Variants in SGCD observed in about 807,000 individuals in gnomAD.
The protein encoded by SGCD is delta-sarcoglycan.
In SGCD, 18 loss-of-function variants were observed where a neutral mutation model predicts 36.6. The ratio of observed to expected loss-of-function variants is 0.49; its 90% confidence interval spans 0.34 to 0.73. The LOEUF (loss-of-function observed/expected upper bound fraction) is 0.73, where lower values mean the gene tolerates loss of function less well. Among genes scored for constraint, SGCD ranks in the 30% least tolerant of loss-of-function variants. The probability of loss-of-function intolerance (pLI) is 0.01; values close to 1 mark genes in which losing one functional copy is unlikely to be tolerated. For synonymous variants in SGCD, 133 were observed against 130.6 expected (o/e 1.02, Z -0.12); for missense variants, 387 against 346.7 (o/e 1.12, Z -0.92).
At chr5:155,967,565 C>T (rs1757925724) in intron 1 of SGCD, among the ~76,000 whole-genome samples, 1 of 152,044 alleles carries the variant, frequency 6.6e-6, no homozygotes, top group Admixed American at 6.6e-5. Flanking sequence ...GTTTCTCCCC[C>T]AAGCCACCAC....
intron 6 of SGCD, among the ~76,000 whole-genome samples, chr5:156,615,361 GC>G (rs1230779720): frequency 2.0e-5 from 3 of 152,200 alleles, no homozygotes; most frequent in African/African-American, 7.2e-5. Context: ...TCCTCTAGAT[GC>G]CACTTGATGC....
intron 3 of SGCD, among the ~76,000 whole-genome samples, chr5:156,500,901 G>A (rs965656102): frequency 3.9e-5 from 6 of 152,222 alleles, no homozygotes; most frequent in East Asian, 1.9e-4. Context: ...GGAAGTCCAC[G>A]TCACTCAGAA....
At chr5:155,976,781 C>A (rs1023147206) in intron 1 of SGCD, among the ~76,000 whole-genome samples, 2 of 152,056 alleles carry the variant, frequency 1.3e-5, no homozygotes, top group Non-Finnish European at 2.9e-5. Flanking sequence ...TGGACACCGC[C>A]TTTTACCTGA....
chr5:156,657,300 G>T (rs1361774753), intron 7 of SGCD, among the ~76,000 whole-genome samples: 1 of 151,236 alleles, frequency 6.6e-6, no homozygotes, highest in East Asian at 1.9e-4. Context: ...CAATGTGCAG[G>T]TTTGTTACAT....
At chr5:156,281,656 C>CA (rs11370605) in intron 3 of SGCD, among the ~76,000 whole-genome samples, 8,252 of 151,664 alleles carry the variant, frequency 0.054, 673 homozygotes, top group African/African-American at 0.17. Context: ...AAAGGTTTGA[C>CA]AAAAAAATAG....
intron 3 of SGCD, among the ~76,000 whole-genome samples, chr5:156,229,265 T>TAC (rs1398211635): frequency 2.0e-5 from 2 of 98,354 alleles, no homozygotes; most frequent in Non-Finnish European, 3.8e-5. Flanking sequence ...TACATACATA[T>TAC]ATATATACAT....
At chr5:155,903,172 C>T (rs904674993) in intron 1 of SGCD, among the ~76,000 whole-genome samples, 1 of 152,180 alleles carries the variant, frequency 6.6e-6, no homozygotes, top group Non-Finnish European at 1.5e-5. Context: ...AACTATTAAG[C>T]TGCTGTGTTT....
intron 1 of SGCD, among the ~76,000 whole-genome samples, chr5:156,012,272 G>A (rs532281437): frequency 5.4e-4 from 82 of 152,160 alleles, no homozygotes; most frequent in South Asian, 1.0e-3. Context: ...CCACTTAAAT[G>A]TTTTCATATT....
At chr5:155,962,716 T>C (rs1052035803) in intron 1 of SGCD, among the ~76,000 whole-genome samples, 5 of 152,212 alleles carry the variant, frequency 3.3e-5, no homozygotes, top group South Asian at 2.1e-4. Flanking sequence ...AGGTGCCTGA[T>C]TGAGCTTGCA....
intron 3 of SGCD, among the ~76,000 whole-genome samples, chr5:156,304,519 C>T (rs1428486579): frequency 1.3e-5 from 2 of 152,142 alleles, no homozygotes; most frequent in Admixed American, 1.3e-4. Flanking sequence ...ACTGTAAGTC[C>T]ATTAAACCTT....
chr5:156,216,952 G>A (rs1300636297), intron 3 of SGCD, among the ~76,000 whole-genome samples: 1 of 152,094 alleles, frequency 6.6e-6, no homozygotes, highest in East Asian at 1.9e-4. Flanking sequence ...GGTGGCTGGA[G>A]CCTGTAATCC....
At chr5:156,422,866 T>C (rs1381682483) in intron 3 of SGCD, among the ~76,000 whole-genome samples, 3 of 151,870 alleles carry the variant, frequency 2.0e-5, no homozygotes, top group Admixed American at 6.6e-5. Flanking sequence ...GAACCACTGA[T>C]GTAAAGTGAG....
chr5:156,434,562 G>A (rs141118415), intron 3 of SGCD, among the ~76,000 whole-genome samples: 131 of 152,330 alleles, frequency 8.6e-4, no homozygotes, highest in African/African-American at 3.0e-3. Flanking sequence ...CAGCGATGCT[G>A]ATAGACATTA....
chr5:156,693,967 C>T (rs1754210354), intron 7 of SGCD, among the ~76,000 whole-genome samples: 1 of 152,026 alleles, frequency 6.6e-6, no homozygotes, highest in African/African-American at 2.4e-5. Context: ...TTATTGTTTC[C>T]CTGACACAGG....
intron 7 of SGCD, among the ~76,000 whole-genome samples, chr5:156,656,393 G>T (rs1051788082): frequency 6.6e-6 from 1 of 151,994 alleles, no homozygotes; most frequent in Non-Finnish European, 1.5e-5. Context: ...ACTTAGAAGC[G>T]TTTAGGTAAA....
intron 6 of SGCD, among the ~76,000 whole-genome samples, chr5:156,601,281 A>C (rs1177995669): frequency 6.6e-6 from 1 of 152,196 alleles, no homozygotes; most frequent in East Asian, 1.9e-4. Context: ...TTACATTTAC[A>C]TCTTTAAATC....
At chr5:156,261,779 G>A (rs1171003103) in intron 3 of SGCD, among the ~76,000 whole-genome samples, 1 of 152,154 alleles carries the variant, frequency 6.6e-6, no homozygotes, top group African/African-American at 2.4e-5. Context: ...GTCAAAGAAA[G>A]ACAGTGATGT....
intron 1 of SGCD, among the ~76,000 whole-genome samples, chr5:156,091,059 T>C (rs1761229941): frequency 6.6e-6 from 1 of 152,210 alleles, no homozygotes; most frequent in Non-Finnish European, 1.5e-5. Flanking sequence ...AATGCAATCA[T>C]CACAGGGTCC....
intron 3 of SGCD, among the ~76,000 whole-genome samples, chr5:156,225,043 C>T (rs1264125597): frequency 6.6e-6 from 1 of 152,038 alleles, no homozygotes; most frequent in Non-Finnish European, 1.5e-5. Flanking sequence ...CTATTTATCA[C>T]CTCTGAAATA....
Sources: gnomAD v4.1 joint callset for allele counts (sites outside exome capture counted in the v4.1 genomes callset) on GRCh38, gnomAD v4.1.1 for gene constraint, MANE v1.5 for transcripts, NCBI Gene and HGNC (gene_info 2026-07-23, HGNC 2026-07-21) for gene names.